SSBP3: variants seen among roughly 807,000 people sequenced by gnomAD.
SSBP3 encodes the protein single-stranded DNA-binding protein 3.
Under a neutral mutation model 69.6 loss-of-function variants are expected in SSBP3, and 5 were observed. The ratio of observed to expected loss-of-function variants is 0.07; its 90% CI spans 0.04 to 0.15. The LOEUF (loss-of-function observed/expected upper bound fraction) is 0.15, where lower values mean the gene tolerates loss of function less well. Ranked by LOEUF, SSBP3 falls within the 10% of genes least tolerant of loss-of-function variation. SSBP3 has a pLI of 1.00. For missense variants in SSBP3, 312 were observed against 534.0 expected (o/e 0.58, Z 4.10); for synonymous variants, 196 against 193.4 (o/e 1.01, Z -0.11).
intron 5 of SSBP3, among the ~76,000 whole-genome samples, chr1:54,265,489 G>A (rs550339593): frequency 3.3e-5 from 5 of 152,346 alleles, no homozygotes; most frequent in African/African-American, 9.6e-5. Flanking sequence ...ACACAGCAGT[G>A]GAATAACTGC....
intron 4 of SSBP3, among the ~76,000 whole-genome samples, chr1:54,389,175 T>C (rs1648298220): frequency 1.3e-5 from 2 of 152,216 alleles, no homozygotes; most frequent in Admixed American, 6.5e-5. Context: ...CATCAGCAGC[T>C]ATATAGTTCT....
At chr1:54,281,861 T>C (rs1004916115) in intron 4 of SSBP3, among the ~76,000 whole-genome samples, 5 of 151,742 alleles carry the variant, frequency 3.3e-5, no homozygotes, top group Admixed American at 2.0e-4. Flanking sequence ...CTTTGGGAGG[T>C]TGAGGCTGGA....
intron 4 of SSBP3, among the ~76,000 whole-genome samples, chr1:54,399,931 CACA>C (rs1649173438): frequency 6.6e-6 from 1 of 152,096 alleles, no homozygotes; most frequent in African/African-American, 2.4e-5. Flanking sequence ...ACTCTCAGGC[CACA>C]TGATACCAGG....
chr1:54,396,193 G>GA (rs59276509), intron 4 of SSBP3, among the ~76,000 whole-genome samples: 531 of 40,570 alleles, frequency 0.013, 25 homozygotes, highest in East Asian at 0.019. Context: ...CTCCATCTCA[G>GA]AAAAAAAAAA....
At chr1:54,278,874 G>A (rs578006426) in intron 5 of SSBP3, among the ~76,000 whole-genome samples, 124 of 152,346 alleles carry the variant, frequency 8.1e-4, no homozygotes, top group South Asian at 1.0e-3. Context: ...CAGAGTGGCC[G>A]GCTGCAATAC....
rs530844821 is a variant in SSBP3, at chr1:54,306,815, TTAAA to T, written c.277-25292_277-25289del. On this transcript the variant is annotated intron_variant, in intron 4 of 17. Transcript: ENST00000610401. Reference sequence around the variant, plus strand: ...TGATCTCCACAATAAAAAAATTTTTTTAAATAAAAAAGCACTTCACAGAGCAGGA... The same window carrying T: ...TGATCTCCACAATAAAAAAATTTTTTTAAAAAAGCACTTCACAGAGCAGGA... Among the ~76,000 whole-genome samples the T allele has an allele frequency of 2.8e-4, 43 of 152,140 alleles. No homozygotes were observed. In the East Asian group the frequency reaches 7.9e-3, roughly 28 times the overall value.
chr1:54,258,032 GCGTCCCCGGCGGGC>G lies in SSBP3; in HGVS notation c.447+23_447+36del. On this transcript the variant is annotated intron_variant, in intron 6 of 17. Coordinates refer to ENST00000610401, the Ensembl canonical transcript of SSBP3. The surrounding 1 kb of genome is among the most constrained non-coding windows in gnomAD (Gnocchi z 4.5). The stretch of plus-strand genomic sequence containing the variant: ...GGGCTCTCTGCTTCCTCCGCGCCCC[GCGTCCCCGGCGGGC>G]GGGAGCGCCACGGTGCGTTTACCTG... 6.4e-7 allele frequency: 1 copy of G among 1,554,794 alleles called. No individual in the cohort carries two copies. Among genetic ancestry groups the G allele is most frequent in the Non-Finnish European group, 8.7e-7 (1 of 1,148,740 alleles).
chr1:54,354,993 C>T (rs1209313708), intron 4 of SSBP3, among the ~76,000 whole-genome samples: 2 of 152,208 alleles, frequency 1.3e-5, no homozygotes, highest in Non-Finnish European at 2.9e-5. Context: ...CTGCTTACTG[C>T]CCTCGACACA....
chr1:54,411,606 A>G (rs528021449), intron 1 of SSBP3, among the ~76,000 whole-genome samples: 1 of 151,986 alleles, frequency 6.6e-6, no homozygotes, highest in Non-Finnish European at 1.5e-5. Context: ...AAGAAAGCAG[A>G]AGGCTGCCGG....
chr1:54,235,448 A>ATTTTTTT (rs71580002), intron 14 of SSBP3, among the ~76,000 whole-genome samples: 32 of 69,920 alleles, frequency 4.6e-4, no homozygotes, highest in African/African-American at 1.9e-3. Flanking sequence ...TGCCCGGCTG[A>ATTTTTTT]TTTTTTTTTT....
intron 4 of SSBP3, among the ~76,000 whole-genome samples, chr1:54,340,792 A>C (rs1646593764): frequency 6.6e-6 from 1 of 152,230 alleles, no homozygotes; most frequent in African/African-American, 2.4e-5. Context: ...GGACACTCCC[A>C]TACCAGCCCA....
exon 10 of SSBP3, chr1:54,243,298 T>G: frequency 1.2e-6 from 2 of 1,613,006 alleles, no homozygotes; most frequent in Non-Finnish European, 1.7e-6. Flanking sequence ...GCTGCCGTAA[T>G]TCTGCAACGA....
intron 4 of SSBP3, among the ~76,000 whole-genome samples, chr1:54,345,101 G>C (rs1247433304): frequency 3.3e-5 from 5 of 152,154 alleles, no homozygotes; most frequent in Admixed American, 1.3e-4. Context: ...TACACGGGGA[G>C]ACTAGAAAGT....
chr1:54,341,251 C>A (rs1366494477), intron 4 of SSBP3, among the ~76,000 whole-genome samples: 1 of 152,102 alleles, frequency 6.6e-6, no homozygotes. Context: ...AACATGTTGG[C>A]AGAGACCTTT....
At chr1:54,292,536 G>A (rs879575250) in intron 4 of SSBP3, among the ~76,000 whole-genome samples, 5 of 152,054 alleles carry the variant, frequency 3.3e-5, no homozygotes, top group Non-Finnish European at 5.9e-5. Flanking sequence ...CCTGTGTTGT[G>A]AGCGAGGCCC....
intron 5 of SSBP3, among the ~76,000 whole-genome samples, chr1:54,272,633 C>T (rs560872344): frequency 7.2e-4 from 109 of 152,256 alleles, no homozygotes; most frequent in Non-Finnish European, 1.4e-3. Flanking sequence ...CACTCCCATC[C>T]CCCTATGAAG....
intron 4 of SSBP3, among the ~76,000 whole-genome samples, chr1:54,337,515 T>G (rs1646531553): frequency 1.6e-5 from 2 of 126,814 alleles, no homozygotes; most frequent in Non-Finnish European, 3.3e-5. Context: ...TTTTTTTTTT[T>G]GAGATGGAGT....
In SSBP3 at chr1:54,232,816, C is replaced by T. The variant is rs944685176; in HGVS notation, c.928-3990G>A. On this transcript the variant is annotated intron_variant, in intron 14 of 17. Coordinates refer to ENST00000610401, the Ensembl canonical transcript of SSBP3. ...CCGGGCCGTCTCCAGCCCCTAACCG[C>T]GAGTGATCCGCCAGCCTTGGCCTCC... Among the ~76,000 whole-genome samples, 5 of 152,336 alleles carry T rather than the reference C, an allele frequency of 3.3e-5. No individual in the cohort carries two copies. In the East Asian group the frequency reaches 5.8e-4, roughly 18 times the overall value.
intron 4 of SSBP3, among the ~76,000 whole-genome samples, chr1:54,282,041 A>AAATAATAATAATAATAAT (rs61443250): frequency 0.018 from 2,560 of 142,862 alleles, 125 homozygotes; most frequent in Admixed American, 0.11. Context: ...GCCCTATCTC[A>AAATAATAATAATAATAAT]AATAATAATA....
Sources: gnomAD v4.1 joint callset for allele counts (sites outside exome capture counted in the v4.1 genomes callset) on GRCh38, gnomAD v4.1.1 for gene constraint, Gnocchi (gnomAD v3.1) non-coding constraint, MANE v1.5 for transcripts, NCBI Gene and HGNC (gene_info 2026-07-23, HGNC 2026-07-21) for gene names.